BACH2: variants seen among roughly 807,000 people sequenced by gnomAD.
BACH2 encodes the protein BACH transcriptional regulator 2.
A neutral mutation model predicts 61.8 loss-of-function variants in BACH2; 5 were observed. The observed-to-expected ratio is 0.08, with a 90% CI of 0.04 to 0.17. BACH2 has a LOEUF of 0.17. BACH2 is among the 10% of genes least tolerant of loss of function. The pLI, the probability that BACH2 is intolerant of heterozygous loss-of-function variation, is 1.00. For synonymous variants in BACH2, 446 were observed against 440.1 expected, an observed-to-expected ratio of 1.01 and a Z score of -0.17; for missense variants, 824 against 1,091.1, an observed-to-expected ratio of 0.76 and a Z score of 3.45.
intron 4 of BACH2, among the ~76,000 whole-genome samples, chr6:90,143,616 T>C (rs895323981): frequency 2.0e-5 from 3 of 152,118 alleles, no homozygotes; most frequent in Admixed American, 6.5e-5. Flanking sequence ...GGCCATTCCA[T>C]GAACCCCTGT....
chr6:89,997,005 G>GCGCACACA (rs1027999857), intron 6 of BACH2, among the ~76,000 whole-genome samples: 2 of 149,518 alleles, frequency 1.3e-5, no homozygotes, highest in African/African-American at 4.9e-5. Flanking sequence ...ATGCACACGG[G>GCGCACACA]CACACACACA....
At chr6:90,111,802 A>G (rs925667700) in intron 4 of BACH2, among the ~76,000 whole-genome samples, 1 of 152,228 alleles carries the variant, frequency 6.6e-6, no homozygotes, top group African/African-American at 2.4e-5. Flanking sequence ...ACAGAAAGTG[A>G]GTTTCCACAA....
intron 6 of BACH2, among the ~76,000 whole-genome samples, chr6:89,992,419 T>A (rs1776628145): frequency 6.6e-6 from 1 of 151,306 alleles, no homozygotes; most frequent in South Asian, 2.1e-4. Context: ...GGCGGGTGGA[T>A]CCCCTGAGGT....
At chr6:90,255,556 T>C (rs905261034) in intron 2 of BACH2, among the ~76,000 whole-genome samples, 3 of 152,008 alleles carry the variant, frequency 2.0e-5, no homozygotes, top group Admixed American at 6.6e-5. Flanking sequence ...AGGATTTGGA[T>C]TGACAATGAT....
chr6:90,005,903 GAAGA>G (rs1485841228), intron 6 of BACH2, among the ~76,000 whole-genome samples: 3 of 152,288 alleles, frequency 2.0e-5, no homozygotes, highest in Middle Eastern at 3.4e-3. Flanking sequence ...ACAGGGGGAG[GAAGA>G]AAGAAAATCA....
At chr6:90,165,993 G>A (rs1299635801) in intron 4 of BACH2, among the ~76,000 whole-genome samples, 1 of 152,004 alleles carries the variant, frequency 6.6e-6, no homozygotes, top group Admixed American at 6.6e-5. Context: ...CAGGACATAG[G>A]CATGGGCAAG....
chr6:90,269,427 C>G (rs552855105), intron 2 of BACH2, among the ~76,000 whole-genome samples: 1 of 152,128 alleles, frequency 6.6e-6, no homozygotes, highest in African/African-American at 2.4e-5. Context: ...TTTCTTCTCC[C>G]CTTCCTAAAT....
At position 89,927,157 on chromosome 6, in the gene BACH2, A is replaced by G. The variant is rs1772396737; in HGVS notation, c.*5251T>C. On this transcript the variant is annotated 3_prime_UTR_variant, in exon 9 of 9. Transcript: ENST00000257749. ...CAGGCTCTCTTGGCCTCACTAGCAA[A>G]GGTGGTGCTTGCCTTGAATGGCTCA... is the stretch of plus-strand genomic sequence containing the variant. 6.5e-6 allele frequency: 1 copy of G among 152,834 alleles called. No individual in the cohort carries two copies. The highest frequency in any genetic ancestry group is 1.5e-5 in the Non-Finnish European group (1 of 68,054). 9.5% of individuals were successfully genotyped at this position (152,834 alleles called of 1,614,324 possible). A position where few individuals can be genotyped will look rare whatever the true frequency, so the allele number is the denominator to read the frequency against.
chr6:90,034,953 C>T (rs1779191798), intron 5 of BACH2, among the ~76,000 whole-genome samples: 1 of 152,024 alleles, frequency 6.6e-6, no homozygotes, highest in Non-Finnish European at 1.5e-5. Flanking sequence ...GGAATACATG[C>T]CAAAATATGC....
At chr6:89,934,698 A>G (rs1250686075) in intron 8 of BACH2, among the ~76,000 whole-genome samples, 1 of 151,726 alleles carries the variant, frequency 6.6e-6, no homozygotes, top group Non-Finnish European at 1.5e-5. Flanking sequence ...TGAGGGGAGG[A>G]GATGGGGTTC....
intron 6 of BACH2, among the ~76,000 whole-genome samples, chr6:89,959,890 G>C (rs1000084399): frequency 6.6e-6 from 1 of 152,166 alleles, no homozygotes; most frequent in African/African-American, 2.4e-5. Flanking sequence ...CAGGTGCACA[G>C]GTGGGTGAGC....
chr6:89,939,823 A>AT (rs71027914), intron 7 of BACH2, among the ~76,000 whole-genome samples: 83 of 91,366 alleles, frequency 9.1e-4, no homozygotes, highest in African/African-American at 3.1e-3. Flanking sequence ...AGTTAATTAA[A>AT]TTTTTTTTTT....
chr6:89,952,024 C>T, intron 6 of BACH2, 162 bp from the exon 7 acceptor site: 4 of 802,992 alleles, frequency 5.0e-6, no homozygotes, highest in Non-Finnish European at 7.7e-6. Flanking sequence ...ATTCTGCTTC[C>T]AATAATTAGT....
At chr6:90,285,994 A>G (rs572849175) in intron 1 of BACH2, among the ~76,000 whole-genome samples, 2 of 152,352 alleles carry the variant, frequency 1.3e-5, no homozygotes, top group Admixed American at 1.3e-4. Flanking sequence ...TAAATAATCT[A>G]TGCCACTGCT....
intron 4 of BACH2, among the ~76,000 whole-genome samples, chr6:90,104,920 C>T (rs925111970): frequency 5.3e-5 from 8 of 152,056 alleles, no homozygotes; most frequent in African/African-American, 1.4e-4. Context: ...TCTAAGGAGA[C>T]CGATAATTCT....
intron 4 of BACH2, among the ~76,000 whole-genome samples, chr6:90,115,774 A>T (rs1783372295): frequency 1.3e-5 from 2 of 152,120 alleles, no homozygotes; most frequent in African/African-American, 2.4e-5. Context: ...CTACCCATCC[A>T]ACCAAGGTCT....
intron 3 of BACH2, among the ~76,000 whole-genome samples, chr6:90,212,196 A>G (rs1036583831): frequency 6.7e-6 from 1 of 149,618 alleles, no homozygotes; most frequent in Non-Finnish European, 1.5e-5. Flanking sequence ...CTTTCAACTG[A>G]AAAAATATAA....
chr6:90,098,165 A>G (rs1224631686), intron 4 of BACH2, among the ~76,000 whole-genome samples: 1 of 152,208 alleles, frequency 6.6e-6, no homozygotes, highest in Admixed American at 6.5e-5. Flanking sequence ...CCATCATTCT[A>G]GTCTGTTTCT....
Position 90,274,365 on chromosome 6 carries a change from C to T in BACH2, c.-445-2424G>A, listed in dbSNP as rs554516957. Among the ~76,000 whole-genome samples the T allele has an allele frequency of 1.7e-3, 258 of 152,090 alleles. 2 individuals are homozygous for T. The highest frequency in any genetic ancestry group is 3.0e-3 in the Non-Finnish European group (201 of 67,996). Reference sequence around the variant, plus strand: ...ACAAAACAAAACAAAAAAAGGAACACAAAGTAATTGAAAAGACTTTTCATA... The same window carrying T: ...ACAAAACAAAACAAAAAAAGGAACATAAAGTAATTGAAAAGACTTTTCATA... On this transcript the variant is annotated intron_variant, in intron 1 of 8. Transcript: ENST00000257749.
Sources: gnomAD v4.1 joint callset for allele counts (sites outside exome capture counted in the v4.1 genomes callset) on GRCh38, gnomAD v4.1.1 for gene constraint, MANE v1.5 for transcripts, NCBI Gene and HGNC (gene_info 2026-07-23, HGNC 2026-07-21) for gene names.